Variants in XPO7 observed in about 807,000 individuals in gnomAD.
The protein encoded by XPO7 is exportin 7.
In XPO7, 21 loss-of-function variants were observed where a neutral mutation model predicts 144.3. That is an observed-to-expected ratio of 0.15 (90% CI 0.10 to 0.21). XPO7 has a LOEUF of 0.21. Among genes scored for constraint, XPO7 ranks in the 10% least tolerant of loss-of-function variants. XPO7 has a pLI of 1.00. For synonymous variants in XPO7, 580 were observed against 499.6 expected (o/e 1.16, Z -2.15); for missense variants, 808 against 1,325.8 (o/e 0.61, Z 6.06).
chr8:21,920,508 T>G (rs901287381), intron 1 of XPO7, among the ~76,000 whole-genome samples: 1 of 151,840 alleles, frequency 6.6e-6, no homozygotes, highest in Non-Finnish European at 1.5e-5. Flanking sequence ...GTGTCTGAAA[T>G]GAGAGATGCA....
chr8:21,935,401 A>G (rs893173498), intron 1 of XPO7, among the ~76,000 whole-genome samples: 50 of 152,248 alleles, frequency 3.3e-4, no homozygotes, highest in African/African-American at 1.1e-3. Flanking sequence ...CTAATTGGAA[A>G]TTAATTTGGA....
At chr8:21,947,849 C>T (rs776972716) in intron 1 of XPO7, among the ~76,000 whole-genome samples, 7 of 152,114 alleles carry the variant, frequency 4.6e-5, no homozygotes, top group African/African-American at 9.7e-5. Context: ...CACTAAATAA[C>T]AAAAGATTGA....
chr8:21,968,352 A>G (rs1386714769), intron 2 of XPO7, among the ~76,000 whole-genome samples: 1 of 152,254 alleles, frequency 6.6e-6, no homozygotes, highest in African/African-American at 2.4e-5. Context: ...CAGTAAATAG[A>G]ACAAATTATA....
intron 4 of XPO7, among the ~76,000 whole-genome samples, chr8:21,971,120 A>G (rs1371301507): frequency 1.3e-5 from 2 of 152,224 alleles, no homozygotes; most frequent in African/African-American, 2.4e-5. Flanking sequence ...ATAGTTGCCC[A>G]CAGTATAGTC....
chr8:21,927,277 A>G (rs1204565051), intron 1 of XPO7, among the ~76,000 whole-genome samples: 15 of 152,190 alleles, frequency 9.9e-5, no homozygotes, highest in Admixed American at 9.8e-4. Flanking sequence ...TAAGGACATT[A>G]TCCCACAGGT....
chr8:21,922,567 T>C (rs1233241388), intron 1 of XPO7, among the ~76,000 whole-genome samples: 2 of 152,166 alleles, frequency 1.3e-5, no homozygotes, highest in South Asian at 2.1e-4. Context: ...TTTTAACATA[T>C]CTAAAGCTGG....
Position 22,005,566 on chromosome 8 carries a change from T to G in XPO7, c.*478T>G, listed in dbSNP as rs1813301708. 6.5e-6 allele frequency: 1 copy of G among 152,682 alleles called. No individual in the cohort carries two copies. The highest frequency in any genetic ancestry group is 1.5e-5 in the Non-Finnish European group (1 of 68,158). 9.5% of individuals were successfully genotyped at this position (152,682 alleles called of 1,614,324 possible). A position where few individuals can be genotyped will look rare whatever the true frequency, so the allele number is the denominator to read the frequency against. ...CGAGTGAAGAAAATGTGTATTCTGG[T>G]GGCCTGAAGCTTTACTGGACAAGGA... On this transcript the variant is annotated 3_prime_UTR_variant, in exon 28 of 28. Coordinates refer to ENST00000252512, the MANE Select transcript of XPO7 (RefSeq NM_015024.5).
intron 1 of XPO7, chr8:21,964,152 G>T (rs947001019): frequency 6.6e-6 from 1 of 152,120 alleles, no homozygotes; most frequent in South Asian, 2.1e-4. Flanking sequence ...ATTCCAGCGA[G>T]ACAAGAAGTT....
At chr8:21,950,793 T>C (rs1423477412) in intron 1 of XPO7, among the ~76,000 whole-genome samples, 2 of 152,094 alleles carry the variant, frequency 1.3e-5, no homozygotes, top group African/African-American at 4.8e-5. Context: ...AGAATACCAA[T>C]GGGATTTTTA....
At chr8:21,997,169 C>T (rs908630874) in intron 21 of XPO7, among the ~76,000 whole-genome samples, 1 of 152,066 alleles carries the variant, frequency 6.6e-6, no homozygotes, top group African/African-American at 2.4e-5. Flanking sequence ...CTATAACCTC[C>T]CAGGAGACTT....
At chr8:21,976,646 G>A (rs1410763451) in intron 7 of XPO7, 125 bp downstream of exon 7, 9 of 1,165,762 alleles carry the variant, frequency 7.7e-6, no homozygotes, top group South Asian at 3.6e-5. Flanking sequence ...AAATTCTAAC[G>A]TCTTTTTTTG....
At chr8:21,970,487 T>G (rs1278298015) in intron 4 of XPO7, among the ~76,000 whole-genome samples, 177 bp downstream of exon 4, 1 of 152,208 alleles carries the variant, frequency 6.6e-6, no homozygotes, top group Non-Finnish European at 1.5e-5. Flanking sequence ...TAGGTCTTGG[T>G]AGTGTTTGCA....
chr8:21,997,453 CAAG>C (rs1812989135), intron 21 of XPO7, among the ~76,000 whole-genome samples: 1 of 152,148 alleles, frequency 6.6e-6, no homozygotes, highest in Admixed American at 6.5e-5. Context: ...ATCTAAATGA[CAAG>C]AAAGATTCTG....
At chr8:21,971,712 T>C (rs563959642) in intron 4 of XPO7, among the ~76,000 whole-genome samples, 164 bp from the exon 5 acceptor site, 11 of 152,342 alleles carry the variant, frequency 7.2e-5, no homozygotes, top group African/African-American at 2.2e-4. Flanking sequence ...AGTTAGGTTT[T>C]AAGTCCAGCA....
At chr8:21,966,341 C>G (rs1811883403) in intron 1 of XPO7, 1 of 779,648 alleles carries the variant, frequency 1.3e-6, no homozygotes, top group African/African-American at 1.7e-5. Flanking sequence ...GAAGCTTTCT[C>G]TAGAGGTTTT....
At chr8:21,961,032 C>T (rs1811709708) in intron 1 of XPO7, among the ~76,000 whole-genome samples, 1 of 152,128 alleles carries the variant, frequency 6.6e-6, no homozygotes, top group South Asian at 2.1e-4. Context: ...TCACAAACTG[C>T]ACATGCCTGG....
chr8:21,970,049 T>A (rs1335574385), intron 3 of XPO7, 95 bp from the exon 4 acceptor site: 3 of 1,366,012 alleles, frequency 2.2e-6, no homozygotes, highest in Non-Finnish European at 3.0e-6. Context: ...AATTTATAAT[T>A]TCTTGGCCAT....
At chr8:21,937,117 G>C (rs1810845141) in intron 1 of XPO7, among the ~76,000 whole-genome samples, 1 of 152,122 alleles carries the variant, frequency 6.6e-6, no homozygotes, top group Admixed American at 6.5e-5. Flanking sequence ...TTTCAAAACT[G>C]CTTATCTTGT....
chr8:21,984,871 C>T (rs758027754), intron 12 of XPO7, 32 bp downstream of exon 12: 1 of 1,607,844 alleles, frequency 6.2e-7, no homozygotes, highest in East Asian at 2.2e-5. Flanking sequence ...AACTCTAGAC[C>T]TGTGAGGAGA....
Sources: gnomAD v4.1 joint callset for allele counts (sites outside exome capture counted in the v4.1 genomes callset) on GRCh38, gnomAD v4.1.1 for gene constraint, MANE v1.5 for transcripts, NCBI Gene and HGNC (gene_info 2026-07-23, HGNC 2026-07-21) for gene names.